Variants in MYO3B observed in about 807,000 individuals in gnomAD.
The protein encoded by MYO3B is myosin-IIIb.
A neutral mutation model predicts 174.6 loss-of-function variants in MYO3B; 156 were observed. The observed-to-expected ratio is 0.89, with a 90% confidence interval of 0.78 to 1.02. MYO3B has a LOEUF of 1.02. Ranked by LOEUF, MYO3B falls within the 50% of genes least tolerant of loss-of-function variation. The pLI is 0.00. For synonymous variants in MYO3B, 563 were observed against 569.1 expected, an observed-to-expected ratio of 0.99 and a Z score of 0.15; for missense variants, 1,632 against 1,639.4, an observed-to-expected ratio of 1.00 and a Z score of 0.08.
chr2:170,470,961 A>T, intron 25 of MYO3B, among the ~76,000 whole-genome samples: 1 of 147,820 alleles, frequency 6.8e-6, no homozygotes, highest in African/African-American at 2.5e-5. Flanking sequence ...CACATAGATA[A>T]TTTGCAAATA....
intron 9 of MYO3B, among the ~76,000 whole-genome samples, chr2:170,380,580 T>C (rs1262480613): frequency 6.6e-6 from 1 of 152,172 alleles, no homozygotes; most frequent in East Asian, 1.9e-4. Context: ...GATGAGTTTA[T>C]GAAAGGAATT....
At chr2:170,643,244 T>G (rs1214268030) in intron 32 of MYO3B, among the ~76,000 whole-genome samples, 1 of 152,070 alleles carries the variant, frequency 6.6e-6, no homozygotes, top group African/African-American at 2.4e-5. Flanking sequence ...TGAGATGAAG[T>G]AAACAAAAAG....
chr2:170,357,420 A>G (rs1272200946), intron 8 of MYO3B, among the ~76,000 whole-genome samples: 1 of 149,368 alleles, frequency 6.7e-6, no homozygotes, highest in Non-Finnish European at 1.5e-5. Context: ...AACTGACTAC[A>G]TTTTATCTTT....
intron 7 of MYO3B, among the ~76,000 whole-genome samples, chr2:170,236,491 TA>T (rs1389192336): frequency 1.3e-5 from 2 of 152,198 alleles, no homozygotes; most frequent in Non-Finnish European, 2.9e-5. Context: ...ATACTTTCTC[TA>T]GTATTCAGTG....
intron 32 of MYO3B, among the ~76,000 whole-genome samples, chr2:170,622,837 C>T (rs1696056318): frequency 6.7e-6 from 1 of 149,440 alleles, no homozygotes; most frequent in African/African-American, 2.5e-5. Flanking sequence ...GTTTTTTGTC[C>T]TTGTGAGGGT....
At chr2:170,200,110 A>G (rs1418349001) in intron 2 of MYO3B, 40 bp from the exon 3 acceptor site, 3 of 1,594,694 alleles carry the variant, frequency 1.9e-6, no homozygotes, top group East Asian at 4.5e-5. Flanking sequence ...TTCCTTACAC[A>G]TTAGATTTAA....
intron 7 of MYO3B, among the ~76,000 whole-genome samples, chr2:170,253,207 C>T (rs1445789416): frequency 6.6e-6 from 1 of 151,982 alleles, no homozygotes; most frequent in African/African-American, 2.4e-5. Flanking sequence ...GCAGCTTGGA[C>T]CAAGGTGAAG....
rs1684428977 is a variant in MYO3B at position 170,463,394 on chromosome 2, T to C, written c.2757T>C (p.His919=). The C allele has an allele frequency of 8.1e-6, 13 of 1,613,900 alleles. No individual in the cohort carries two copies. In the East Asian group the frequency reaches 2.9e-4, roughly 36 times the overall value. ...AKVDTLEVIR[H]PEETTNMKRQ... ...TGGACACTCTGGAGGTGATACGGCA[T>C]CCGGAAGAAACCACCAACATGAAGA... The change falls in exon 24 of 35, where the codon CAT becomes CAC. Residue 919 remains histidine, a synonymous_variant. Coordinates refer to ENST00000408978, the MANE Select transcript of MYO3B (RefSeq NM_138995.5).
chr2:170,576,905 C>T lies in MYO3B; in HGVS notation c.3733+32917C>T, dbSNP rs115661749. On this transcript the variant is annotated intron_variant, in intron 32 of 34. Transcript: ENST00000408978. The stretch of plus-strand genomic sequence containing the variant: ...TGCTGTAGTTTTCTGTAAACCTTTA[C>T]TATTAGACATGCAAGTACTAAGAAG... Among the ~76,000 whole-genome samples the T allele has an allele frequency of 3.3e-3, 495 of 152,250 alleles. 4 individuals carry two copies. The highest frequency in any genetic ancestry group is 0.011 in the African/African-American group (474 of 41,558).
intron 5 of MYO3B, 145 bp downstream of exon 5, chr2:170,214,973 G>C (rs973133782): frequency 3.1e-6 from 2 of 635,304 alleles, no homozygotes; most frequent in African/African-American, 3.6e-5. Flanking sequence ...GAGGGGGTGG[G>C]GGCTCCAGAT....
intron 25 of MYO3B, among the ~76,000 whole-genome samples, chr2:170,485,108 C>T (rs554308916): frequency 2.6e-5 from 4 of 151,808 alleles, no homozygotes; most frequent in South Asian, 2.1e-4. Context: ...TGACTGGGGG[C>T]GTTTCTACTT....
chr2:170,543,582 T>C (rs1010384602), intron 31 of MYO3B, among the ~76,000 whole-genome samples: 1 of 152,200 alleles, frequency 6.6e-6, no homozygotes, highest in African/African-American at 2.4e-5. Context: ...AAAATAAGTA[T>C]AGGTGAAAAT....
At chr2:170,554,706 C>T (rs75008363) in intron 32 of MYO3B, among the ~76,000 whole-genome samples, 5,256 of 152,240 alleles carry the variant, frequency 0.035, 285 homozygotes, top group African/African-American at 0.12. Context: ...TTCCTGAGTT[C>T]GTTAGGTCAT....
chr2:170,543,085 A>G, intron 31 of MYO3B, 119 bp downstream of exon 31: 1 of 772,768 alleles, frequency 1.3e-6, no homozygotes, highest in Non-Finnish European at 2.1e-6. Flanking sequence ...TGAAACTGTT[A>G]GTGATATTTT....
intron 5 of MYO3B, among the ~76,000 whole-genome samples, chr2:170,216,036 T>C (rs2092824413): frequency 6.6e-6 from 1 of 152,216 alleles, no homozygotes; most frequent in Non-Finnish European, 1.5e-5. Flanking sequence ...TTTACCAAAA[T>C]TGTGGTGGAG....
chr2:170,594,525 A>G (rs966594034), intron 32 of MYO3B, among the ~76,000 whole-genome samples: 1 of 152,158 alleles, frequency 6.6e-6, no homozygotes, highest in Non-Finnish European at 1.5e-5. Context: ...TGCAGCTAAC[A>G]GACATCTAAC....
At chr2:170,319,915 G>T (rs374153977) in intron 7 of MYO3B, among the ~76,000 whole-genome samples, 1 of 152,246 alleles carries the variant, frequency 6.6e-6, no homozygotes, top group African/African-American at 2.4e-5. Context: ...AATTTTTTAT[G>T]TAGCAAAATT....
rs1042418764 is a variant in MYO3B, at chr2:170,183,995, C to A, written c.2+5706C>A. ...CATAGTAATATATTCCCTAATGTTG[C>A]ATTATCTTTGCTAAATTCTAATAGC... On this transcript the variant is annotated intron_variant, in intron 1 of 34. Coordinates refer to ENST00000408978, the MANE Select transcript of MYO3B (RefSeq NM_138995.5). 2.6e-5 allele frequency among the ~76,000 whole-genome samples: 4 copies of A among 151,512 alleles called. No homozygotes were observed. The South Asian group carries it at 8.4e-4, about 32-fold the overall frequency.
rs190502246 is a variant in MYO3B, at chr2:170,318,602, C to T, written c.750-16783C>T. 7.5e-4 allele frequency among the ~76,000 whole-genome samples: 114 copies of T among 152,188 alleles called. 1 individual carries two copies. The highest frequency in any genetic ancestry group is 1.3e-3 in the Non-Finnish European group (91 of 68,028). ...AATTTCCTTGTCTTGAAGATTTTGG[C>T]CAAACTTGGGGTCAAATAAGTAAGA... On this transcript the variant is annotated intron_variant, in intron 7 of 34. Transcript: ENST00000408978.
Sources: gnomAD v4.1 joint callset for allele counts (sites outside exome capture counted in the v4.1 genomes callset) on GRCh38, gnomAD v4.1.1 for gene constraint, MANE v1.5 for transcripts, NCBI Gene and HGNC (gene_info 2026-07-23, HGNC 2026-07-21) for gene names.